GRM7: variants seen among roughly 807,000 people sequenced by gnomAD.
GRM7 encodes the protein metabotropic glutamate receptor 7.
Under a neutral mutation model 84.5 loss-of-function variants are expected in GRM7, and 35 were observed. The ratio of observed to expected loss-of-function variants is 0.41; its 90% CI spans 0.32 to 0.55. GRM7 has a LOEUF of 0.55. Among genes scored for constraint, GRM7 ranks in the 20% least tolerant of loss-of-function variants. The pLI, the probability that GRM7 is intolerant of heterozygous loss-of-function variation, is 0.19. For missense variants in GRM7, 1,003 were observed against 1,194.6 expected (o/e 0.84, Z 2.36); for synonymous variants, 487 against 455.1 (o/e 1.07, Z -0.89).
chr3:7,205,920 G>C (rs1696222156), intron 2 of GRM7, among the ~76,000 whole-genome samples: 1 of 152,184 alleles, frequency 6.6e-6, no homozygotes, highest in Admixed American at 6.5e-5. Context: ...ATTGAGCTAT[G>C]TGTCTTTAAG....
At chr3:7,337,214 C>T (rs1028504398) in intron 4 of GRM7, among the ~76,000 whole-genome samples, 66 of 152,036 alleles carry the variant, frequency 4.3e-4, no homozygotes, top group Non-Finnish European at 1.8e-4. Flanking sequence ...TGGCAAGCCA[C>T]ACGTCGAAGA....
intron 7 of GRM7, among the ~76,000 whole-genome samples, chr3:7,535,940 G>C (rs148388698): frequency 6.6e-6 from 1 of 152,154 alleles, no homozygotes; most frequent in African/African-American, 2.4e-5. Context: ...TGCGTAAGGT[G>C]GGAAGTAACT....
chr3:7,508,872 A>G (rs1338660523), intron 7 of GRM7, among the ~76,000 whole-genome samples: 4 of 152,178 alleles, frequency 2.6e-5, no homozygotes, highest in African/African-American at 9.6e-5. Flanking sequence ...AGGCATTCCT[A>G]AGTCCATCTG....
chr3:7,297,505 G>T (rs1011202414), intron 2 of GRM7, among the ~76,000 whole-genome samples: 2 of 152,070 alleles, frequency 1.3e-5, no homozygotes, highest in African/African-American at 4.8e-5. Flanking sequence ...AGTTTTGTTG[G>T]GTGTTTATAT....
chr3:7,180,238 A>G (rs1009481677), intron 2 of GRM7, among the ~76,000 whole-genome samples: 3 of 152,206 alleles, frequency 2.0e-5, no homozygotes, highest in Admixed American at 6.5e-5. Flanking sequence ...ACTGTTGACA[A>G]ATCATCCTCT....
chr3:7,519,030 C>G (rs998932189), intron 7 of GRM7, among the ~76,000 whole-genome samples: 7 of 152,180 alleles, frequency 4.6e-5, no homozygotes, highest in African/African-American at 1.7e-4. Flanking sequence ...TTATTCTCCC[C>G]TCAATTTTGC....
rs765552088 is a variant in GRM7 at position 7,263,489 on chromosome 3, CCT to C, written c.737-35192_737-35191del. ...GTGCTAGCAGGTGATGTGGTGCCAG[CCT>C]CTGTGTGGGCATTTGCAGCAGTGTT... On this transcript the variant is annotated intron_variant, in intron 2 of 9. Transcript: ENST00000357716. Among the ~76,000 whole-genome samples the C allele has an allele frequency of 1.3e-4, 20 of 152,258 alleles. No individual in the cohort carries two copies. In the East Asian group the frequency reaches 3.9e-3, roughly 29 times the overall value.
intron 8 of GRM7, among the ~76,000 whole-genome samples, chr3:7,609,501 A>C (rs1295950804): frequency 1.3e-5 from 2 of 152,184 alleles, no homozygotes; most frequent in African/African-American, 4.8e-5. Flanking sequence ...AAACTTGCAG[A>C]GCTCGTGGAA....
chr3:6,871,889 A>G (rs1695134239), intron 1 of GRM7, among the ~76,000 whole-genome samples: 1 of 152,102 alleles, frequency 6.6e-6, no homozygotes, highest in South Asian at 2.1e-4. Context: ...ATTTACCATA[A>G]TTAAGTTCAG....
At chr3:7,456,992 T>C (rs1402993193) in intron 6 of GRM7, among the ~76,000 whole-genome samples, 1 of 152,140 alleles carries the variant, frequency 6.6e-6, no homozygotes, top group Admixed American at 6.6e-5. Context: ...GAAAAGAAAA[T>C]ATTTGTCCAA....
intron 2 of GRM7, among the ~76,000 whole-genome samples, chr3:7,286,845 T>C (rs765660204): frequency 1.3e-5 from 2 of 152,222 alleles, no homozygotes; most frequent in Non-Finnish European, 2.9e-5. Flanking sequence ...AAATCTTTCA[T>C]GTCTATTATC....
chr3:6,934,981 A>G (rs562642941), intron 1 of GRM7, among the ~76,000 whole-genome samples: 19 of 152,232 alleles, frequency 1.2e-4, no homozygotes, highest in Non-Finnish European at 2.4e-4. Context: ...AGAAGTTCTG[A>G]GAAACTCAGT....
rs181770527 is a variant in GRM7, at chr3:7,498,916, G to T, written c.1515+37194G>T. Among the ~76,000 whole-genome samples the T allele has an allele frequency of 1.5e-3, 235 of 152,312 alleles. 1 individual carries two copies. Among genetic ancestry groups the T allele is most frequent in the Middle Eastern group, 0.01 (3 of 294 alleles). The stretch of plus-strand genomic sequence containing the variant: ...GGGTGAATGCAGAGTCATCTGTGCA[G>T]AGTTGCTGCAATCTGGTTATTTATT... On this transcript the variant is annotated intron_variant, in intron 7 of 9. Coordinates refer to ENST00000357716, the MANE Select transcript of GRM7 (RefSeq NM_000844.4).
At chr3:7,039,829 G>A (rs1696527723) in intron 1 of GRM7, among the ~76,000 whole-genome samples, 1 of 152,130 alleles carries the variant, frequency 6.6e-6, no homozygotes, top group Non-Finnish European at 1.5e-5. Flanking sequence ...TTGTGAATGG[G>A]TAGAATGCTT....
intron 7 of GRM7, among the ~76,000 whole-genome samples, chr3:7,572,866 ATATATAT>A: frequency 1.3e-5 from 1 of 74,336 alleles, no homozygotes; most frequent in African/African-American, 4.8e-5. Context: ...ATATATATAT[ATATATAT>A]ATATATAAAT....
At chr3:7,294,255 C>T (rs1200776261) in intron 2 of GRM7, among the ~76,000 whole-genome samples, 2 of 152,188 alleles carry the variant, frequency 1.3e-5, no homozygotes, top group Non-Finnish European at 2.9e-5. Flanking sequence ...TGCTTAATCA[C>T]TCAGCTGTAA....
At chr3:6,930,310 T>G (rs1697457973) in intron 1 of GRM7, among the ~76,000 whole-genome samples, 1 of 152,184 alleles carries the variant, frequency 6.6e-6, no homozygotes, top group African/African-American at 2.4e-5. Context: ...ATGTTATATC[T>G]GACATAGACC....
At chr3:6,924,404 G>A (rs1697228990) in intron 1 of GRM7, among the ~76,000 whole-genome samples, 1 of 152,148 alleles carries the variant, frequency 6.6e-6, no homozygotes, top group South Asian at 2.1e-4. Flanking sequence ...GGCTATAGAT[G>A]GAGAATCTCT....
rs111741395 is a variant in GRM7 at position 7,181,699 on chromosome 3, C to G, written c.736+35031C>G. 1.5e-3 allele frequency among the ~76,000 whole-genome samples: 233 copies of G among 152,234 alleles called. 1 individual carries two copies. Among genetic ancestry groups the G allele is most frequent in the Non-Finnish European group, 2.8e-3 (189 of 68,034 alleles). On this transcript the variant is annotated intron_variant, in intron 2 of 9. Transcript: ENST00000357716. ...TCTTGGCTCACTGCAGCCCTGACCT[C>G]CCGGGCTCAAGTCATCCTCTTGTCT...
Sources: allele counts gnomAD v4.1 joint callset (sites outside exome capture counted in the v4.1 genomes callset), GRCh38; gene constraint gnomAD v4.1.1; transcripts MANE v1.5; gene names NCBI Gene and HGNC (gene_info 2026-07-23, HGNC 2026-07-21).